NECTIN3: variants seen among roughly 807,000 people sequenced by gnomAD.
NECTIN3 encodes the protein nectin cell adhesion molecule 3, also known as nectin-3.
NECTIN3 carries 8 observed loss-of-function variants against 49.4 expected under a neutral mutation model. That is an observed-to-expected ratio of 0.16 (90% CI 0.10 to 0.29). The LOEUF (loss-of-function observed/expected upper bound fraction) is 0.29. Ranked by LOEUF, NECTIN3 falls within the 10% of genes least tolerant of loss-of-function variation. The probability of loss-of-function intolerance (pLI) is 1.00; values close to 1 mark genes in which losing one functional copy is unlikely to be tolerated. For synonymous variants in NECTIN3, 277 were observed against 241.1 expected, an observed-to-expected ratio of 1.15 and a Z score of -1.38; for missense variants, 581 against 654.6, an observed-to-expected ratio of 0.89 and a Z score of 1.23.
intron 1 of NECTIN3, among the ~76,000 whole-genome samples, chr3:111,083,593 A>G (rs574072798): frequency 1.3e-5 from 2 of 152,352 alleles, no homozygotes; most frequent in South Asian, 4.1e-4. Context: ...GAGCTGTAAC[A>G]AAGAGTGTAA....
chr3:111,181,928 T>A (rs866665424), intron 7 of NECTIN3, among the ~76,000 whole-genome samples: 30 of 151,974 alleles, frequency 2.0e-4, no homozygotes, highest in African/African-American at 7.0e-4. Context: ...TTTTTTCAGT[T>A]TCTTAAGCTT....
intron 4 of NECTIN3, among the ~76,000 whole-genome samples, chr3:111,123,709 T>A (rs1475490256): frequency 6.6e-6 from 1 of 152,188 alleles, no homozygotes; most frequent in East Asian, 1.9e-4. Context: ...ACTCCAAATT[T>A]TTTTTTGGAT....
At chr3:111,156,527 T>C in intron 7 of NECTIN3, among the ~76,000 whole-genome samples, 1 of 152,202 alleles carries the variant, frequency 6.6e-6, no homozygotes, top group East Asian at 1.9e-4. Flanking sequence ...TTTTTTAAAA[T>C]AATTGAATAA....
chr3:111,163,251 C>G (rs1394580642), intron 7 of NECTIN3, among the ~76,000 whole-genome samples: 1 of 152,206 alleles, frequency 6.6e-6, no homozygotes, highest in African/African-American at 2.4e-5. Context: ...AGACTTCTTA[C>G]ATGGTAGCTC....
intron 1 of NECTIN3, among the ~76,000 whole-genome samples, chr3:111,089,406 C>T (rs200516612): frequency 6.8e-6 from 1 of 146,986 alleles, no homozygotes; most frequent in South Asian, 2.2e-4. Flanking sequence ...CAGCCTTTCT[C>T]GTGTGTGTGT....
At position 111,150,150 on chromosome 3, in the gene NECTIN3, G is replaced by A. The variant is rs919349163; in HGVS notation, c.1221+2666G>A. 4.6e-5 allele frequency among the ~76,000 whole-genome samples: 7 copies of A among 151,906 alleles called. No individual in the cohort carries two copies. The East Asian group carries it at 9.6e-4, about 21-fold the overall frequency. ...TTAGAAATCATGATCAGGAGATTCC[G>A]TGAAATGGATATTTATTTGACTCTA... is the stretch of plus-strand genomic sequence containing the variant. On this transcript the variant is annotated intron_variant, in intron 7 of 8. Coordinates refer to the NECTIN3 transcript ENST00000493615.
At chr3:111,090,892 ATTTG>A (rs1369546224) in intron 1 of NECTIN3, among the ~76,000 whole-genome samples, 2 of 144,396 alleles carry the variant, frequency 1.4e-5, no homozygotes, top group East Asian at 2.2e-4. Context: ...ATTTAAAACC[ATTTG>A]TTTAACTTTA....
At chr3:111,178,977 G>C (rs1367716130) in intron 7 of NECTIN3, among the ~76,000 whole-genome samples, 1 of 152,210 alleles carries the variant, frequency 6.6e-6, no homozygotes. Context: ...ATCTTAAACA[G>C]TGCTTGTCTT....
chr3:111,116,649 G>A (rs1485188660), intron 2 of NECTIN3, among the ~76,000 whole-genome samples: 1 of 151,970 alleles, frequency 6.6e-6, no homozygotes, highest in Non-Finnish European at 1.5e-5. Flanking sequence ...AATTTATGTA[G>A]AACTTTTACT....
intron 7 of NECTIN3, among the ~76,000 whole-genome samples, chr3:111,148,152 G>A (rs535409311): frequency 4.6e-5 from 7 of 152,240 alleles, no homozygotes; most frequent in African/African-American, 1.7e-4. Context: ...TATAACCTCT[G>A]GGGGCATAGT....
chr3:111,170,553 G>A (rs983455478), intron 7 of NECTIN3, among the ~76,000 whole-genome samples: 4 of 152,158 alleles, frequency 2.6e-5, no homozygotes, highest in Non-Finnish European at 5.9e-5. Context: ...GAAAGACTGG[G>A]CTTAATTCTG....
At chr3:111,090,700 GT>G (rs11357717) in intron 1 of NECTIN3, among the ~76,000 whole-genome samples, 121,344 of 151,494 alleles carry the variant, frequency 0.8, 51,526 homozygotes, top group Non-Finnish European at 0.94. Context: ...GCATCTTAAA[GT>G]TTTCCATCTG....
At position 111,171,955 on chromosome 3, in the gene NECTIN3, ATTCTGC is replaced by A. The variant is rs2035441060; in HGVS notation, c.1222-20395_1222-20390del. ...TTTTACTGACAAGAGTTACCTAAAT[ATTCTGC>A]ATCTTCTTGTTTTGAACGATATGCA... On this transcript the variant is annotated intron_variant, in intron 7 of 8. Transcript: ENST00000493615. 4.6e-5 allele frequency among the ~76,000 whole-genome samples: 7 copies of A among 152,346 alleles called. No individual in the cohort carries two copies. In the South Asian group the frequency reaches 1.4e-3, roughly 32 times the overall value.
intron 7 of NECTIN3, among the ~76,000 whole-genome samples, chr3:111,175,110 C>G (rs1218832191): frequency 6.6e-6 from 1 of 151,888 alleles, no homozygotes; most frequent in Non-Finnish European, 1.5e-5. Flanking sequence ...TCCACCACCT[C>G]CAGCCAAACT....
intron 4 of NECTIN3, among the ~76,000 whole-genome samples, chr3:111,124,048 G>T (rs1034336019): frequency 6.6e-6 from 1 of 152,082 alleles, no homozygotes; most frequent in African/African-American, 2.4e-5. Context: ...GGATTTTATG[G>T]GAGTTAGGAA....
intron 7 of NECTIN3, among the ~76,000 whole-genome samples, chr3:111,175,285 C>A (rs1205518971): frequency 6.6e-6 from 1 of 151,774 alleles, no homozygotes; most frequent in Non-Finnish European, 1.5e-5. Flanking sequence ...CAAAAGGCAA[C>A]TTCTTGGGCA....
chr3:111,091,678 T>C (rs534318222), intron 1 of NECTIN3, among the ~76,000 whole-genome samples: 36 of 152,358 alleles, frequency 2.4e-4, no homozygotes, highest in Admixed American at 2.1e-3. Context: ...TATGTAGATA[T>C]CACATTTGTC....
chr3:111,150,268 A>G (rs2034972557), intron 7 of NECTIN3, among the ~76,000 whole-genome samples: 1 of 151,958 alleles, frequency 6.6e-6, no homozygotes, highest in African/African-American at 2.4e-5. Flanking sequence ...TATCATGTTA[A>G]TAAAAGCTTT....
chr3:111,130,859 A>T (rs1048869735), intron 5 of NECTIN3, among the ~76,000 whole-genome samples: 1 of 152,038 alleles, frequency 6.6e-6, no homozygotes, highest in African/African-American at 2.4e-5. Context: ...TTTGCTTTTG[A>T]TGTATATTTT....
Sources: allele counts gnomAD v4.1 joint callset (sites outside exome capture counted in the v4.1 genomes callset), GRCh38; gene constraint gnomAD v4.1.1; transcripts MANE v1.5; gene names NCBI Gene and HGNC (gene_info 2026-07-23, HGNC 2026-07-21).